PPP2R5D: variants seen among roughly 807,000 people sequenced by gnomAD.
The protein encoded by PPP2R5D is protein phosphatase 2 regulatory subunit B'delta.
A neutral mutation model predicts 79.1 loss-of-function variants in PPP2R5D; 12 were observed. That is an observed-to-expected ratio of 0.15 (90% CI 0.10 to 0.25). The LOEUF is 0.25. Ranked by LOEUF, PPP2R5D falls within the 10% of genes least tolerant of loss-of-function variation. The probability of loss-of-function intolerance (pLI) is 1.00; values close to 1 mark genes in which losing one functional copy is unlikely to be tolerated. For missense variants in PPP2R5D, 419 were observed against 760.2 expected (o/e 0.55, Z 5.28); for synonymous variants, 277 against 286.6 (o/e 0.97, Z 0.34).
At position 43,011,927 on chromosome 6, in the gene PPP2R5D, G is replaced by A. The variant is rs1057349559; in HGVS notation, c.*641G>A. ...TATAGGGCCCAGATGGACCAAGTGG[G>A]GCCGGGGAGGGATGAATAAACACCC... On this transcript the variant is annotated 3_prime_UTR_variant, in exon 16 of 16. Transcript: ENST00000485511. 6.5e-6 allele frequency: 1 copy of A among 154,830 alleles called. No homozygotes were observed. The highest frequency in any genetic ancestry group is 2.4e-5 in the African/African-American group (1 of 41,478). 9.6% of individuals were successfully genotyped at this position (154,830 alleles called of 1,614,324 possible).
chr6:43,008,938 C>A lies in PPP2R5D; in HGVS notation c.1081-119C>A. 1 of 1,324,142 alleles carries A rather than the reference C, an allele frequency of 7.6e-7. No individual in the cohort carries two copies. The highest frequency in any genetic ancestry group is 1.4e-5 in the South Asian group (1 of 73,750). The allele number at this position is 1,324,142 out of a possible 1,614,324, so 82.0% of individuals were successfully genotyped here. A position where few individuals can be genotyped will look rare whatever the true frequency, so the allele number is the denominator to read the frequency against. On this transcript the variant is annotated intron_variant, in intron 10 of 15. Transcript: ENST00000485511. This position sits in a 1 kb window ranked among gnomAD's most constrained non-coding sequence, Gnocchi z 4.2. The stretch of plus-strand genomic sequence containing the variant: ...AGATCCAAGGCAAAGAAACGGGTAG[C>A]TGGCTGAGATCACCCAAACTGTGCC...
rs754857992 is a variant in PPP2R5D at position 43,006,690 on chromosome 6, A to T, written c.322+11A>T. 6.2e-7 allele frequency: 1 copy of T among 1,612,090 alleles called. No homozygotes were observed. The highest frequency in any genetic ancestry group is 1.7e-5 in the Admixed American group (1 of 59,892). ...TTCCTGCCCTGAAAGGTACTTGGCAATTGGTCACAGGGGCTGTTTTACCAG... is the reference window on the plus strand; with the variant it reads ...TTCCTGCCCTGAAAGGTACTTGGCATTTGGTCACAGGGGCTGTTTTACCAG... On this transcript the variant is annotated intron_variant, in intron 3 of 15. Coordinates refer to ENST00000485511, the MANE Select transcript of PPP2R5D (RefSeq NM_006245.4). This position sits in a 1 kb window ranked among gnomAD's most constrained non-coding sequence, Gnocchi z 4.7.
At chr6:42,985,923 A>G (rs538313546) in intron 1 of PPP2R5D, among the ~76,000 whole-genome samples, 1 of 152,132 alleles carries the variant, frequency 6.6e-6, no homozygotes, top group South Asian at 2.1e-4. Context: ...AATTACAGGC[A>G]TGCGCCACCA....
intron 2 of PPP2R5D, among the ~76,000 whole-genome samples, chr6:42,990,276 G>A (rs2236355): frequency 0.096 from 14,688 of 152,242 alleles, 1,018 homozygotes; most frequent in East Asian, 0.18. Flanking sequence ...ATGAAAGTTT[G>A]GGAGTGTGCA....
Position 43,007,022 on chromosome 6 carries a change from AG to A in PPP2R5D, c.435del (p.Lys145AsnfsTer33). On this transcript the variant is annotated frameshift_variant, in exon 4 of 16. Coordinates refer to ENST00000485511, the MANE Select transcript of PPP2R5D (RefSeq NM_006245.4). LOFTEE classifies it high-confidence loss of function. The surrounding 1 kb of genome is among the most constrained non-coding windows in gnomAD (Gnocchi z 4.5). ...PLSDLKFKEV[K>X]RAGLNEMVEY... ...AGTGACCTCAAATTCAAGGAGGTGA[AG>A]CGGGCAGGACTCAACGAGATGGTGG... 6.2e-7 allele frequency: 1 copy of A among 1,614,154 alleles called. No individual in the cohort carries two copies.
At position 43,007,922 on chromosome 6, in the gene PPP2R5D, C is replaced by T; in HGVS notation, c.727-13C>T. The T allele has an allele frequency of 6.2e-7, 1 of 1,613,862 alleles. No individual in the cohort carries two copies. The highest frequency in any genetic ancestry group is 8.5e-7 in the Non-Finnish European group (1 of 1,179,750). On this transcript the variant is annotated splice_polypyrimidine_tract_variant and intron_variant, in intron 6 of 15. Coordinates refer to ENST00000485511, the MANE Select transcript of PPP2R5D (RefSeq NM_006245.4). The surrounding 1 kb of genome is among the most constrained non-coding windows in gnomAD (Gnocchi z 4.5). ...CTGCCTCACTGGCTGCTTTCCCTCC[C>T]TTGTACCCCCAGCTCCTAGACCTAT... is the stretch of plus-strand genomic sequence containing the variant.
At position 43,007,920 on chromosome 6, in the gene PPP2R5D, CCCTT is replaced by C; in HGVS notation, c.727-14_727-11del. On this transcript the variant is annotated splice_polypyrimidine_tract_variant and intron_variant, in intron 6 of 15. Coordinates refer to ENST00000485511, the MANE Select transcript of PPP2R5D (RefSeq NM_006245.4). This position sits in a 1 kb window ranked among gnomAD's most constrained non-coding sequence, Gnocchi z 4.5. ...TGCTGCCTCACTGGCTGCTTTCCCT[CCCTT>C]GTACCCCCAGCTCCTAGACCTATTT... is the stretch of plus-strand genomic sequence containing the variant. 3 of 1,613,682 alleles carry C rather than the reference CCCTT, an allele frequency of 1.9e-6. No homozygotes were observed. Among genetic ancestry groups the C allele is most frequent in the Non-Finnish European group, 2.5e-6 (3 of 1,179,616 alleles).
Position 43,008,932 on chromosome 6 carries a change from G to A in PPP2R5D, c.1081-125G>A. 4 of 1,304,164 alleles carry A rather than the reference G, an allele frequency of 3.1e-6. No homozygotes were observed. Among genetic ancestry groups the A allele is most frequent in the South Asian group, 2.7e-5 (2 of 72,852 alleles). 80.8% of individuals were successfully genotyped at this position (1,304,164 alleles called of 1,614,324 possible). Reference sequence around the variant, plus strand: ...GGAAACAGATCCAAGGCAAAGAAACGGGTAGCTGGCTGAGATCACCCAAAC... The same window carrying A: ...GGAAACAGATCCAAGGCAAAGAAACAGGTAGCTGGCTGAGATCACCCAAAC... On this transcript the variant is annotated intron_variant, in intron 10 of 15. Coordinates refer to ENST00000485511, the MANE Select transcript of PPP2R5D (RefSeq NM_006245.4). The surrounding 1 kb of genome is among the most constrained non-coding windows in gnomAD (Gnocchi z 4.2).
In PPP2R5D at chr6:42,989,706, A is replaced by G. The variant is rs1374190132; in HGVS notation, c.105+18A>G. 2 of 1,607,140 alleles carry G rather than the reference A, an allele frequency of 1.2e-6. No individual in the cohort carries two copies. The highest frequency in any genetic ancestry group is 2.7e-5 in the African/African-American group (2 of 74,772). On this transcript the variant is annotated intron_variant, in intron 2 of 15. Transcript: ENST00000485511. ...CTGAGGAGGTAATGAATGTAGGCGT[A>G]GCCTTAGATGTGGTGCAGGTGCCAC...
Position 43,006,925 on chromosome 6 carries a change from G to A in PPP2R5D, c.337G>A (p.Glu113Lys). Residue 113 changes from glutamate to lysine, a missense_variant, in exon 4 of 16, where the codon GAG becomes AAG. By Grantham distance (56) the Glu-to-Lys change is moderately conservative. Around this residue, in one of 5 missense-constraint regions of PPP2R5D, gnomAD observed 110 missense variants for 147.6 expected, o/e 0.75. Coordinates refer to ENST00000485511, the MANE Select transcript of PPP2R5D (RefSeq NM_006245.4). The surrounding 1 kb of genome is among the most constrained non-coding windows in gnomAD (Gnocchi z 4.7). ...LPALKDSPTQEREELFIQKLR... is the reference protein window; with the variant it reads ...LPALKDSPTQKREELFIQKLR... ...GGCCCCCACAGATTCGCCAACCCAG[G>A]AGCGGGAGGAGCTGTTTATCCAGAA... 6.8e-6 allele frequency: 11 copies of A among 1,613,984 alleles called. No individual in the cohort carries two copies. Among genetic ancestry groups the A allele is most frequent in the Non-Finnish European group, 9.3e-6 (11 of 1,180,032 alleles).
intron 2 of PPP2R5D, among the ~76,000 whole-genome samples, chr6:43,000,385 G>A (rs1385300944): frequency 6.6e-6 from 1 of 151,380 alleles, no homozygotes; most frequent in Admixed American, 6.6e-5. Flanking sequence ...CTACAGGCGT[G>A]CACCACCACA....
chr6:42,984,720 T>C lies in PPP2R5D; in HGVS notation c.27+16T>C, dbSNP rs780404065. On this transcript the variant is annotated intron_variant, in intron 1 of 15. Coordinates refer to ENST00000485511, the MANE Select transcript of PPP2R5D (RefSeq NM_006245.4). ...AAAGGAGAAGGTGAGCGTGGCCCTT[T>C]TTCCCCCACCGCCGCCTTGGAGCCT... is the stretch of plus-strand genomic sequence containing the variant. 3 of 1,611,970 alleles carry C rather than the reference T, an allele frequency of 1.9e-6. No homozygotes were observed. Among genetic ancestry groups the C allele is most frequent in the South Asian group, 2.2e-5 (2 of 90,800 alleles).
At chr6:43,005,366 C>T (rs748472291) in intron 2 of PPP2R5D, among the ~76,000 whole-genome samples, 1 of 151,716 alleles carries the variant, frequency 6.6e-6, no homozygotes, top group South Asian at 2.1e-4. Context: ...TCATGGGAGA[C>T]TTGAACTCCT....
chr6:43,004,875 G>A (rs1240982375), intron 2 of PPP2R5D, among the ~76,000 whole-genome samples: 2 of 150,426 alleles, frequency 1.3e-5, no homozygotes, highest in Non-Finnish European at 3.0e-5. Context: ...TCAGCCTCCC[G>A]AGTAGCTGGG....
intron 1 of PPP2R5D, among the ~76,000 whole-genome samples, chr6:42,988,941 C>G (rs1054620843): frequency 6.6e-6 from 1 of 152,190 alleles, no homozygotes; most frequent in Non-Finnish European, 1.5e-5. Context: ...TCTGAGCCAG[C>G]TGCCAGGTTC....
At position 43,010,017 on chromosome 6, in the gene PPP2R5D, C is replaced by T. The variant is rs563111937; in HGVS notation, c.1380-451C>T. 1.3e-5 allele frequency among the ~76,000 whole-genome samples: 2 copies of T among 152,112 alleles called. No homozygotes were observed. Among genetic ancestry groups the T allele is most frequent in the African/African-American group, 4.8e-5 (2 of 41,462 alleles). The stretch of plus-strand genomic sequence containing the variant: ...CTGGGAGGTGACGGTTGCAGTGAGC[C>T]GAGATCGTGCCACTGCACTCCAGCC... On this transcript the variant is annotated intron_variant, in intron 12 of 15. Transcript: ENST00000485511. The surrounding 1 kb of genome is among the most constrained non-coding windows in gnomAD (Gnocchi z 4.7).
intron 1 of PPP2R5D, among the ~76,000 whole-genome samples, chr6:42,988,427 T>C (rs776045630): frequency 2.6e-5 from 4 of 152,214 alleles, no homozygotes; most frequent in Non-Finnish European, 4.4e-5. Flanking sequence ...ATAAAATTCT[T>C]CCTTGTTTGG....
Position 42,984,612 on chromosome 6 carries a change from T to TGCGGCCGAGC in PPP2R5D, c.-65_-56dup, listed in dbSNP as rs1475888820. ...GCGAAGAGACGCCGAGCGGGCCGAG[T>TGCGGCCGAGC]GCGGCCGAGCAAAGCCGGAGCCGGA... On this transcript the variant is annotated 5_prime_UTR_variant, in exon 1 of 16. Coordinates refer to ENST00000485511, the MANE Select transcript of PPP2R5D (RefSeq NM_006245.4). The TGCGGCCGAGC allele has an allele frequency of 6.3e-5, 98 of 1,544,888 alleles. No homozygotes were observed. Among genetic ancestry groups the TGCGGCCGAGC allele is most frequent in the Middle Eastern group, 4.1e-4 (2 of 4,914 alleles).
At chr6:43,001,214 A>G (rs9462862) in intron 2 of PPP2R5D, among the ~76,000 whole-genome samples, 40,320 of 152,104 alleles carry the variant, frequency 0.27, 8,217 homozygotes, top group African/African-American at 0.57. Flanking sequence ...GAGTGCAATG[A>G]CATGATCTCA....
Sources: allele counts gnomAD v4.1 joint callset (sites outside exome capture counted in the v4.1 genomes callset), GRCh38; gene constraint gnomAD v4.1.1; regional missense constraint gnomAD v4.1.1; non-coding constraint Gnocchi (gnomAD v3.1); transcripts MANE v1.5; gene names NCBI Gene and HGNC (gene_info 2026-07-23, HGNC 2026-07-21).